Variants in ANXA8 observed in about 807,000 individuals in gnomAD.
The protein encoded by ANXA8 is annexin A8, also known as VAC-beta.
A neutral mutation model predicts 26.8 loss-of-function variants in ANXA8; 9 were observed. That is an observed-to-expected ratio of 0.34 (90% CI 0.20 to 0.59). The LOEUF (loss-of-function observed/expected upper bound fraction) is 0.59, where lower values mean the gene tolerates loss of function less well. ANXA8 is among the 20% of genes least tolerant of loss of function. The pLI, the probability that ANXA8 is intolerant of heterozygous loss-of-function variation, is 0.84. For synonymous variants in ANXA8, 39 were observed against 94.8 expected (o/e 0.41, Z 3.42); for missense variants, 83 against 238.5 (o/e 0.35, Z 4.29).
the ANXA8 span, among the ~76,000 whole-genome samples, chr10:47,667,369 C>T: frequency 6.6e-6 from 1 of 151,942 alleles, no homozygotes; most frequent in Non-Finnish European, 1.5e-5. Flanking sequence ...CTATTGTTAG[C>T]CATTTCCCTC....
the ANXA8 span, among the ~76,000 whole-genome samples, chr10:47,702,157 G>A: frequency 6.7e-6 from 1 of 148,908 alleles, no homozygotes; most frequent in East Asian, 2.0e-4. Context: ...TATAAACTGA[G>A]GATTTTTAAT....
the ANXA8 span, among the ~76,000 whole-genome samples, chr10:47,573,295 T>A: frequency 6.7e-6 from 1 of 150,090 alleles, no homozygotes; most frequent in Non-Finnish European, 1.5e-5. Flanking sequence ...TTTTTTGTTT[T>A]TAAAATATAT....
chr10:47,975,041 G>C, the ANXA8 span, among the ~76,000 whole-genome samples: 43 of 149,770 alleles, frequency 2.9e-4, 2 homozygotes, highest in Non-Finnish European at 5.7e-4. Context: ...GGATTATCCT[G>C]GGATTAATAC....
the ANXA8 span, among the ~76,000 whole-genome samples, chr10:47,907,288 C>T: frequency 1.3e-3 from 201 of 152,158 alleles, 2 homozygotes; most frequent in African/African-American, 4.7e-3. Context: ...ACCCGGGAGG[C>T]GGAGCTTGCA....
chr10:47,744,996 T>TCCTC, the ANXA8 span, among the ~76,000 whole-genome samples: 1 of 151,898 alleles, frequency 6.6e-6, no homozygotes, highest in Non-Finnish European at 1.5e-5. Flanking sequence ...TCCTCTTGAT[T>TCCTC]CCTCCCCCAA....
At chr10:47,487,219 T>C (rs1237617386), upstream of ANXA8, 39 of 1,068,672 alleles carry the variant, frequency 3.6e-5, no homozygotes, top group Non-Finnish European at 4.8e-5. Context: ...GCGCTCAATG[T>C]ACACATGTCA....
the ANXA8 span, among the ~76,000 whole-genome samples, chr10:47,572,406 T>C: frequency 6.7e-6 from 1 of 148,414 alleles, no homozygotes; most frequent in African/African-American, 2.5e-5. Context: ...CCTCAGACCG[T>C]GCTCTCTATA....
At chr10:47,958,096 A>G in the ANXA8 span, among the ~76,000 whole-genome samples, 1 of 150,322 alleles carries the variant, frequency 6.7e-6, no homozygotes, top group Non-Finnish European at 1.5e-5. Context: ...CCAGGATTTT[A>G]ATAATAACTA....
chr10:47,700,246 T>G, the ANXA8 span, among the ~76,000 whole-genome samples: 3 of 151,962 alleles, frequency 2.0e-5, no homozygotes, highest in Non-Finnish European at 4.4e-5. Flanking sequence ...TACCAGATGT[T>G]AAAACATACT....
At chr10:47,544,236 G>C in the ANXA8 span, among the ~76,000 whole-genome samples, 2 of 150,090 alleles carry the variant, frequency 1.3e-5, no homozygotes, top group Non-Finnish European at 3.0e-5. Context: ...CAGCATCTTT[G>C]AGCAATGATA....
the ANXA8 span, among the ~76,000 whole-genome samples, chr10:47,630,095 A>AACTCATAG: frequency 2.5e-5 from 1 of 40,266 alleles, no homozygotes; most frequent in African/African-American, 8.3e-5. Context: ...TAAACTGAAA[A>AACTCATAG]GTGTGTTTTA....
chr10:47,647,782 C>A, the ANXA8 span, among the ~76,000 whole-genome samples: 1 of 151,774 alleles, frequency 6.6e-6, no homozygotes, highest in East Asian at 1.9e-4. Flanking sequence ...AAAAACATTT[C>A]ATTTCACATA....
the ANXA8 span, among the ~76,000 whole-genome samples, chr10:47,726,419 T>C: frequency 6.6e-6 from 1 of 150,392 alleles, no homozygotes; most frequent in Non-Finnish European, 1.5e-5. Flanking sequence ...AGCATTAAGA[T>C]GTAGGATGCA....
At chr10:47,510,845 AAAAG>A in the ANXA8 span, among the ~76,000 whole-genome samples, 8 of 125,864 alleles carry the variant, frequency 6.4e-5, no homozygotes, top group Non-Finnish European at 1.1e-4. Context: ...AAAAAAAAAA[AAAAG>A]AAAGAAAAGT....
chr10:47,621,833 C>G, the ANXA8 span, among the ~76,000 whole-genome samples: 9 of 104,392 alleles, frequency 8.6e-5, 1 homozygote, highest in African/African-American at 3.5e-4. Context: ...TTTACATGCA[C>G]GTGTTTAAAA....
chr10:47,522,387 T>C, the ANXA8 span, among the ~76,000 whole-genome samples: 2 of 149,656 alleles, frequency 1.3e-5, no homozygotes, highest in African/African-American at 5.0e-5. Flanking sequence ...GCCTCATAGG[T>C]AAACTCCTTT....
the ANXA8 span, among the ~76,000 whole-genome samples, chr10:47,967,296 TA>T: frequency 1.3e-5 from 2 of 151,246 alleles, no homozygotes; most frequent in African/African-American, 2.4e-5. Context: ...TAGGCACCCT[TA>T]TTTTTTTATT....
At chr10:47,595,014 G>T in the ANXA8 span, among the ~76,000 whole-genome samples, 1 of 149,288 alleles carries the variant, frequency 6.7e-6, no homozygotes, top group East Asian at 1.9e-4. Context: ...GACACAGCTA[G>T]AGAAAAGAGC....
chr10:47,484,001 C>T lies in ANXA8; in HGVS notation c.-68G>A. On this transcript the variant is annotated 5_prime_UTR_variant, in exon 1 of 12. Coordinates refer to ENST00000585281, the MANE Select transcript of ANXA8 (RefSeq NM_001040084.3). ...CACAGGTTGGCCTCTGCTGGGACTC[C>T]ACACGTCTGGCTCCTGCAGCTGAGG... 1 of 1,611,654 alleles carries T rather than the reference C, an allele frequency of 6.2e-7. No individual in the cohort carries two copies. Among genetic ancestry groups the T allele is most frequent in the Non-Finnish European group, 8.5e-7 (1 of 1,179,834 alleles).
Sources: allele counts gnomAD v4.1 joint callset (sites outside exome capture counted in the v4.1 genomes callset), GRCh38; gene constraint gnomAD v4.1.1; transcripts MANE v1.5; gene names NCBI Gene and HGNC (gene_info 2026-07-23, HGNC 2026-07-21).